Variants in FCRL1 observed in about 807,000 individuals in gnomAD.
The protein encoded by FCRL1 is Fc receptor like 1, also known as Fc receptor-like protein 1.
Under a neutral mutation model 49.2 loss-of-function variants are expected in FCRL1, and 34 were observed. The ratio of observed to expected loss-of-function variants is 0.69; its 90% confidence interval spans 0.53 to 0.92. FCRL1 has a LOEUF of 0.92. Among genes scored for constraint, FCRL1 ranks in the 40% least tolerant of loss-of-function variants. The pLI is 0.00. For synonymous variants in FCRL1, 218 were observed against 201.6 expected (o/e 1.08, Z -0.69); for missense variants, 524 against 524.1 (o/e 1.00, Z 0.00).
intron 1 of FCRL1, among the ~76,000 whole-genome samples, chr1:157,816,535 AC>A (rs1270898094): frequency 7.9e-5 from 12 of 151,866 alleles, no homozygotes; most frequent in Admixed American, 7.2e-4. Flanking sequence ...CTAGAACAAG[AC>A]AAAGATGCCC....
At chr1:157,815,027 C>T (rs6690607) in intron 1 of FCRL1, among the ~76,000 whole-genome samples, 66,705 of 151,688 alleles carry the variant, frequency 0.44, 14,982 homozygotes, top group African/African-American at 0.53. Flanking sequence ...TAATACTCCA[C>T]TTTCAGCAAT....
Position 157,799,497 on chromosome 1 carries a change from A to G in FCRL1, c.1031+561T>C, listed in dbSNP as rs545334247. The stretch of plus-strand genomic sequence containing the variant: ...TTCCTAGGTATTTTATTCTCTTTGA[A>G]GCAATTGTGAATGGGAGTTCACTCA... On this transcript the variant is annotated intron_variant, in intron 7 of 10. Coordinates refer to ENST00000368176, the MANE Select transcript of FCRL1 (RefSeq NM_052938.5). Among the ~76,000 whole-genome samples, 11 of 152,152 alleles carry G rather than the reference A, an allele frequency of 7.2e-5. No individual in the cohort carries two copies. In the South Asian group the frequency reaches 1.7e-3, roughly 23 times the overall value.
chr1:157,796,098 C>T lies in FCRL1; in HGVS notation c.*1G>A. On this transcript the variant is annotated 3_prime_UTR_variant, in exon 11 of 11. Transcript: ENST00000368176. ...TTCAAAGAGCAGAATCTTCCATAAC[C>T]TTACATAGCATCTTCATAGTCCACA... The T allele has an allele frequency of 6.2e-7, 1 of 1,613,448 alleles. No individual in the cohort carries two copies. The highest frequency in any genetic ancestry group is 8.5e-7 in the Non-Finnish European group (1 of 1,179,404).
chr1:157,801,634 G>A, intron 5 of FCRL1, 57 bp from the exon 6 acceptor site: 1 of 1,257,918 alleles, frequency 7.9e-7, no homozygotes, highest in Non-Finnish European at 1.1e-6. Context: ...GGCTTAGAGA[G>A]CAGACATCTT....
intron 1 of FCRL1, among the ~76,000 whole-genome samples, chr1:157,812,031 T>G (rs1337688453): frequency 6.6e-6 from 1 of 152,142 alleles, no homozygotes; most frequent in Non-Finnish European, 1.5e-5. Context: ...CCTTGGCATA[T>G]GACCCAGTCA....
Position 157,803,847 on chromosome 1 carries a change from T to C in FCRL1, c.317A>G (p.His106Arg), listed in dbSNP as rs761897470. Residue 106 changes from histidine (H) to arginine (R), a missense_variant and splice_region_variant, in exon 3 of 11, where the codon CAC (histidine) becomes CGC (arginine). Transcript: ENST00000368176. Reference sequence around the variant, plus strand: ...AGACTGACCCCACTGACACTCACTGTGCACATTTATCTGGGATCTCCTGCT... The same window carrying C: ...AGACTGACCCCACTGACACTCACTGCGCACATTTATCTGGGATCTCCTGCT... ...LRSRRSQINV[H>R]RVPVADVSLE... is the part of the protein sequence containing the mutation. The C allele has an allele frequency of 3.7e-6, 6 of 1,613,838 alleles. No individual in the cohort carries two copies. The highest frequency in any genetic ancestry group is 2.2e-5 in the South Asian group (2 of 91,048).
intron 1 of FCRL1, among the ~76,000 whole-genome samples, chr1:157,809,964 C>A (rs951693852): frequency 1.3e-5 from 2 of 151,330 alleles, no homozygotes; most frequent in African/African-American, 4.9e-5. Context: ...TGAAAAGTAG[C>A]AGATACTGAA....
At chr1:157,798,835 C>A (rs1651962425) in intron 7 of FCRL1, among the ~76,000 whole-genome samples, 1 of 152,152 alleles carries the variant, frequency 6.6e-6, no homozygotes, top group Non-Finnish European at 1.5e-5. Context: ...GTCTTACATT[C>A]CAGAAATGTA....
rs189384327 is a variant in FCRL1, at chr1:157,805,461, C to T, written c.53-1350G>A. Among the ~76,000 whole-genome samples, 241 of 152,318 alleles carry T rather than the reference C, an allele frequency of 1.6e-3. 1 individual carries two copies. The highest frequency in any genetic ancestry group is 5.5e-3 in the African/African-American group (228 of 41,560). On this transcript the variant is annotated intron_variant, in intron 2 of 10. Transcript: ENST00000368176. ...TTTGTTTTTGGAAACTTTTAAACAT[C>T]AGTTCCATCCATAGTACCAGAATAT...
intron 1 of FCRL1, among the ~76,000 whole-genome samples, chr1:157,817,537 G>C (rs902330533): frequency 7.9e-5 from 12 of 152,036 alleles, no homozygotes; most frequent in African/African-American, 2.9e-4. Flanking sequence ...CAAAATGGAT[G>C]AAAGACTTAA....
In FCRL1 at chr1:157,800,098, C is replaced by G; in HGVS notation, c.1004-13G>C. The G allele has an allele frequency of 2.5e-6, 4 of 1,612,782 alleles. No homozygotes were observed. In the South Asian group the frequency reaches 3.3e-5, roughly 13 times the overall value. Reference sequence around the variant, plus strand: ...GCTGAACGTCTTCCTGAAAGAAAAACAAATGAGCATACACATAAATGGAAG... The same window carrying G: ...GCTGAACGTCTTCCTGAAAGAAAAAGAAATGAGCATACACATAAATGGAAG... On this transcript the variant is annotated splice_polypyrimidine_tract_variant and intron_variant, in intron 6 of 10. Coordinates refer to ENST00000368176, the MANE Select transcript of FCRL1 (RefSeq NM_052938.5).
intron 8 of FCRL1, 44 bp downstream of exon 8, chr1:157,798,117 G>A: frequency 6.3e-7 from 1 of 1,578,700 alleles, no homozygotes; most frequent in Non-Finnish European, 8.7e-7. Flanking sequence ...CCCTTCCCTA[G>A]CTTGCTGTAC....
At chr1:157,798,448 C>A (rs12080317) in intron 7 of FCRL1, among the ~76,000 whole-genome samples, 1 of 152,032 alleles carries the variant, frequency 6.6e-6, no homozygotes, top group East Asian at 1.9e-4. Context: ...CATGCACCAG[C>A]GGGTAACTCC....
At chr1:157,818,553 CA>C (rs1019589997) in intron 1 of FCRL1, among the ~76,000 whole-genome samples, 1 of 151,912 alleles carries the variant, frequency 6.6e-6, no homozygotes, top group Non-Finnish European at 1.5e-5. Context: ...TATATAATTA[CA>C]GTTAGATATG....
intron 1 of FCRL1, among the ~76,000 whole-genome samples, chr1:157,816,888 A>G (rs1655108453): frequency 6.6e-6 from 1 of 151,892 alleles, no homozygotes; most frequent in Admixed American, 6.6e-5. Flanking sequence ...AAAGAAATTA[A>G]GAAAACAATC....
At chr1:157,813,113 T>A (rs528729179) in intron 1 of FCRL1, among the ~76,000 whole-genome samples, 2 of 152,270 alleles carry the variant, frequency 1.3e-5, no homozygotes, top group Non-Finnish European at 2.9e-5. Context: ...CAGGTGAAAG[T>A]CTTTTCTTAC....
intron 7 of FCRL1, among the ~76,000 whole-genome samples, chr1:157,799,110 C>T (rs1196952955): frequency 6.6e-6 from 1 of 152,184 alleles, no homozygotes; most frequent in Non-Finnish European, 1.5e-5. Flanking sequence ...AAGGGATTCT[C>T]TTGCCTCAGC....
At chr1:157,809,044 C>G (rs915366098) in intron 1 of FCRL1, among the ~76,000 whole-genome samples, 1 of 151,950 alleles carries the variant, frequency 6.6e-6, no homozygotes, top group African/African-American at 2.4e-5. Context: ...CTGTTAAACA[C>G]CTGATGTTAA....
intron 2 of FCRL1, among the ~76,000 whole-genome samples, chr1:157,804,521 A>G (rs1488356455): frequency 6.6e-6 from 1 of 152,154 alleles, no homozygotes; most frequent in Non-Finnish European, 1.5e-5. Context: ...CTTCTAAGCT[A>G]TGTTCATTAT....
Sources: allele counts gnomAD v4.1 joint callset (sites outside exome capture counted in the v4.1 genomes callset), GRCh38; gene constraint gnomAD v4.1.1; transcripts MANE v1.5; gene names NCBI Gene and HGNC (gene_info 2026-07-23, HGNC 2026-07-21).